GAB2: variants seen among roughly 807,000 people sequenced by gnomAD.
GAB2 encodes GRB2-associated-binding protein 2.
Under a neutral mutation model 65.5 loss-of-function variants are expected in GAB2, and 26 were observed. The observed-to-expected ratio is 0.40, with a 90% CI of 0.29 to 0.55. The LOEUF is 0.55. Among genes scored for constraint, GAB2 ranks in the 20% least tolerant of loss-of-function variants. The pLI, the probability that GAB2 is intolerant of heterozygous loss-of-function variation, is 0.53. For synonymous variants in GAB2, 321 were observed against 329.6 expected, an observed-to-expected ratio of 0.97 and a Z score of 0.28; for missense variants, 884 against 875.8, an observed-to-expected ratio of 1.01 and a Z score of -0.12.
intron 1 of GAB2, among the ~76,000 whole-genome samples, chr11:78,411,798 A>C (rs1267496498): frequency 6.6e-6 from 1 of 151,808 alleles, no homozygotes; most frequent in Non-Finnish European, 1.5e-5. Flanking sequence ...TTGGGAGGCC[A>C]AGGTGGGCGG....
chr11:78,374,380 T>C (rs1438426914), intron 1 of GAB2, among the ~76,000 whole-genome samples: 1 of 152,202 alleles, frequency 6.6e-6, no homozygotes, highest in Admixed American at 6.5e-5. Flanking sequence ...TATAAAACTA[T>C]GTCTATGTAG....
At chr11:78,278,416 T>C (rs1866237121) in intron 2 of GAB2, among the ~76,000 whole-genome samples, 1 of 151,790 alleles carries the variant, frequency 6.6e-6, no homozygotes, top group African/African-American at 2.4e-5. Context: ...AGGGTCTCCC[T>C]CTGTCACCCA....
At chr11:78,222,023 C>T (rs502829) in intron 7 of GAB2, 82 bp downstream of exon 7, 45 of 914,714 alleles carry the variant, frequency 4.9e-5, no homozygotes, top group South Asian at 9.2e-5. Context: ...CCAGCTGTCC[C>T]GGCCCACAGG....
At chr11:78,244,875 G>A (rs1158692302) in intron 3 of GAB2, among the ~76,000 whole-genome samples, 1 of 152,180 alleles carries the variant, frequency 6.6e-6, no homozygotes, top group Non-Finnish European at 1.5e-5. Flanking sequence ...AAAACAGTAT[G>A]AAAGTTCCTC....
chr11:78,328,157 C>T (rs1855856475), intron 1 of GAB2, among the ~76,000 whole-genome samples: 2 of 152,286 alleles, frequency 1.3e-5, no homozygotes, highest in South Asian at 4.1e-4. Flanking sequence ...AACGGATATA[C>T]ACACCAAACA....
chr11:78,407,667 A>AAGAAAGAAAGAAAGAAAGAGATGGC (rs1857067203), intron 1 of GAB2, among the ~76,000 whole-genome samples: 3 of 126,542 alleles, frequency 2.4e-5, no homozygotes, highest in African/African-American at 8.7e-5. Flanking sequence ...GTAAGAAAGA[A>AAGAAAGAAAGAAAGAAAGAGATGGC]AGAAAGAAAG....
At chr11:78,345,036 G>A (rs573766590) in intron 1 of GAB2, among the ~76,000 whole-genome samples, 175 of 152,124 alleles carry the variant, frequency 1.2e-3, no homozygotes, top group African/African-American at 4.0e-3. Context: ...TGGCACAGGA[G>A]GGAGGGAGGG....
At chr11:78,324,305 G>T (rs937998472) in intron 1 of GAB2, among the ~76,000 whole-genome samples, 1 of 152,012 alleles carries the variant, frequency 6.6e-6, no homozygotes, top group African/African-American at 2.4e-5. Flanking sequence ...CCAAGAGTGG[G>T]GACTTATTAG....
At chr11:78,332,332 G>C (rs1278182590) in intron 1 of GAB2, among the ~76,000 whole-genome samples, 1 of 152,154 alleles carries the variant, frequency 6.6e-6, no homozygotes, top group Non-Finnish European at 1.5e-5. Context: ...GACTTTCCCT[G>C]CCCACCAACC....
At chr11:78,281,465 G>A (rs546913366) in intron 1 of GAB2, among the ~76,000 whole-genome samples, 4 of 152,158 alleles carry the variant, frequency 2.6e-5, no homozygotes, top group African/African-American at 7.2e-5. Context: ...GGCGGGTCTC[G>A]AACTCCCAAC....
chr11:78,301,506 T>C, intron 1 of GAB2, among the ~76,000 whole-genome samples: 1 of 152,080 alleles, frequency 6.6e-6, no homozygotes. Context: ...ATGTTTGTAT[T>C]TTTCTTTTTT....
At chr11:78,268,512 A>T (rs965541368) in intron 2 of GAB2, among the ~76,000 whole-genome samples, 2 of 152,168 alleles carry the variant, frequency 1.3e-5, no homozygotes, top group African/African-American at 4.8e-5. Context: ...GTCAGGGACC[A>T]ATTCAACAAT....
At chr11:78,249,135 A>C (rs1321860504) in intron 3 of GAB2, among the ~76,000 whole-genome samples, 1 of 152,242 alleles carries the variant, frequency 6.6e-6, no homozygotes, top group Non-Finnish European at 1.5e-5. Context: ...ACAGGACCAG[A>C]AACAAGAAGA....
At chr11:78,405,948 AAC>A (rs1317374687) in intron 1 of GAB2, among the ~76,000 whole-genome samples, 1 of 152,224 alleles carries the variant, frequency 6.6e-6, no homozygotes, top group East Asian at 1.9e-4. Flanking sequence ...ACTCCAGCCA[AAC>A]ACCGCAGAGC....
At chr11:78,245,292 T>C (rs1865266354) in intron 3 of GAB2, among the ~76,000 whole-genome samples, 1 of 151,936 alleles carries the variant, frequency 6.6e-6, no homozygotes, top group African/African-American at 2.4e-5. Context: ...AGATGATATA[T>C]TTATGCTATG....
intron 1 of GAB2, among the ~76,000 whole-genome samples, chr11:78,325,469 C>A (rs1312679466): frequency 1.3e-5 from 2 of 152,176 alleles, no homozygotes; most frequent in Non-Finnish European, 2.9e-5. Flanking sequence ...CCAGACAGCA[C>A]AGAAACCACG....
At chr11:78,244,141 CCAAGATGGGCAGATT>C (rs566053212) in intron 3 of GAB2, among the ~76,000 whole-genome samples, 1,554 of 152,098 alleles carry the variant, frequency 0.01, 13 homozygotes, top group Non-Finnish European at 0.016. Flanking sequence ...CTTTAGGAGG[CCAAGATGGGCAGATT>C]CAAGATGGGC....
chr11:78,291,555 C>CTT (rs796161663), intron 1 of GAB2, among the ~76,000 whole-genome samples: 2,466 of 54,984 alleles, frequency 0.045, 761 homozygotes, highest in Middle Eastern at 0.068. Flanking sequence ...TTACTTTTTT[C>CTT]TTTTTCTTTT....
In GAB2 at chr11:78,415,029, G is replaced by T. The variant is rs1046994118; in HGVS notation, c.75+2617C>A. Among the ~76,000 whole-genome samples, 5 of 152,036 alleles carry T rather than the reference G, an allele frequency of 3.3e-5. No individual in the cohort carries two copies. The East Asian group carries it at 9.7e-4, about 29-fold the overall frequency. ...TGGGACTACAGATGCCCTCCATGAC[G>T]CCCAGCTAATTTTTATATTTATGGT... On this transcript the variant is annotated intron_variant, in intron 1 of 9. Transcript: ENST00000361507.
Sources: gnomAD v4.1 joint callset for allele counts (sites outside exome capture counted in the v4.1 genomes callset) on GRCh38, gnomAD v4.1.1 for gene constraint, MANE v1.5 for transcripts, NCBI Gene and HGNC (gene_info 2026-07-23, HGNC 2026-07-21) for gene names.